Variants in LOC400499 observed in about 807,000 individuals in gnomAD.
At chr16:11,460,698 T>C in the LOC400499 span, 6 of 1,443,460 alleles carry the variant, frequency 4.2e-6, no homozygotes, top group Non-Finnish European at 4.6e-6. Flanking sequence ...CGGCCCAGCC[T>C]GGCCTCAGCC....
At chr16:11,484,076 C>T in the LOC400499 span, among the ~76,000 whole-genome samples, 33 of 124,094 alleles carry the variant, frequency 2.7e-4, no homozygotes, top group East Asian at 5.2e-4. Flanking sequence ...GGCGTGATTT[C>T]GGCTCACTGC....
chr16:11,384,308 G>C, the LOC400499 span: 6 of 1,232,490 alleles, frequency 4.9e-6, no homozygotes, highest in Non-Finnish European at 6.1e-6. Flanking sequence ...TTGGTGCCCA[G>C]AAGGCCAGCG....
At chr16:11,447,939 G>A in the LOC400499 span, 2 of 1,535,432 alleles carry the variant, frequency 1.3e-6, no homozygotes. Context: ...CATACCTAAG[G>A]AGCAAGGCCC....
the LOC400499 span, among the ~76,000 whole-genome samples, chr16:11,442,762 G>A: frequency 1.3e-5 from 2 of 152,152 alleles, no homozygotes; most frequent in Non-Finnish European, 2.9e-5. Context: ...AAACCCATCT[G>A]CAGGCTGAAT....
At chr16:11,373,971 G>A in the LOC400499 span, among the ~76,000 whole-genome samples, 5 of 151,960 alleles carry the variant, frequency 3.3e-5, no homozygotes, top group Admixed American at 6.6e-5. Context: ...GAAAATATGG[G>A]GTTTAGGTGG....
chr16:11,397,801 T>C, the LOC400499 span, among the ~76,000 whole-genome samples: 2 of 131,590 alleles, frequency 1.5e-5, no homozygotes, highest in East Asian at 2.1e-4. Flanking sequence ...GAGGGAGGGA[T>C]GGACGGACGG....
chr16:11,457,057 C>T, the LOC400499 span: 1 of 1,501,240 alleles, frequency 6.7e-7, no homozygotes, highest in Non-Finnish European at 8.9e-7. Context: ...ATGCCCACCC[C>T]CCCAAGATGC....
chr16:11,512,853 G>C, the LOC400499 span, among the ~76,000 whole-genome samples: 1 of 152,302 alleles, frequency 6.6e-6, no homozygotes, highest in South Asian at 2.1e-4. Context: ...TCGGTGTGCG[G>C]GGAGGGCAGA....
At chr16:11,490,059 G>A in the LOC400499 span, among the ~76,000 whole-genome samples, 1 of 152,106 alleles carries the variant, frequency 6.6e-6, no homozygotes, top group African/African-American at 2.4e-5. Context: ...GTCCACAAGA[G>A]CTATAGATGA....
chr16:11,383,143 G>A, the LOC400499 span, among the ~76,000 whole-genome samples: 2 of 151,580 alleles, frequency 1.3e-5, no homozygotes, highest in Non-Finnish European at 2.9e-5. Context: ...TCAGCTCACT[G>A]CAAGCTCTGC....
chr16:11,449,408 G>T, the LOC400499 span, among the ~76,000 whole-genome samples: 1 of 152,126 alleles, frequency 6.6e-6, no homozygotes, highest in Admixed American at 6.5e-5. Context: ...TAGTAGCCAG[G>T]GTGTCTGTAC....
the LOC400499 span, chr16:11,487,463 C>G: frequency 2.5e-6 from 1 of 398,104 alleles, no homozygotes; most frequent in Non-Finnish European, 4.4e-6. Flanking sequence ...AGGGCCATAC[C>G]CTGAGACAGG....
At chr16:11,438,034 T>C in the LOC400499 span, among the ~76,000 whole-genome samples, 1 of 152,168 alleles carries the variant, frequency 6.6e-6, no homozygotes, top group African/African-American at 2.4e-5. Flanking sequence ...GTGAGCTCCA[T>C]GATCTTGGGC....
the LOC400499 span, among the ~76,000 whole-genome samples, chr16:11,492,653 C>T: frequency 7.2e-5 from 11 of 151,902 alleles, no homozygotes; most frequent in Non-Finnish European, 1.2e-4. Flanking sequence ...GGCGTGGTGG[C>T]GGGCACCTGT....
At chr16:11,517,066 A>C in the LOC400499 span, among the ~76,000 whole-genome samples, 1 of 152,294 alleles carries the variant, frequency 6.6e-6, no homozygotes, top group Non-Finnish European at 1.5e-5. Flanking sequence ...CCTAATTGTC[A>C]TCAATGCCCT....
the LOC400499 span, among the ~76,000 whole-genome samples, chr16:11,495,615 A>G: frequency 3.9e-5 from 6 of 152,134 alleles, no homozygotes; most frequent in African/African-American, 1.2e-4. Context: ...CCTGACCTCA[A>G]GTGATCTGCC....
At chr16:11,415,562 G>A in the LOC400499 span, among the ~76,000 whole-genome samples, 3 of 152,186 alleles carry the variant, frequency 2.0e-5, no homozygotes, top group Non-Finnish European at 4.4e-5. Flanking sequence ...TTCCTTCCTC[G>A]TTCAACATTC....
the LOC400499 span, among the ~76,000 whole-genome samples, chr16:11,499,017 A>G: frequency 7.9e-6 from 1 of 126,370 alleles, no homozygotes; most frequent in African/African-American, 3.0e-5. Context: ...GTTACTGCAC[A>G]TGAATCGAAC....
At chr16:11,469,689 A>G in the LOC400499 span, 2 of 398,908 alleles carry the variant, frequency 5.0e-6, no homozygotes, top group Middle Eastern at 6.2e-4. Flanking sequence ...AGAGTCTTCA[A>G]GATTGAGAGC....
Sources: allele counts gnomAD v4.1 joint callset (sites outside exome capture counted in the v4.1 genomes callset), GRCh38; gene constraint gnomAD v4.1.1; transcripts MANE v1.5.